CA10: variants seen among roughly 807,000 people sequenced by gnomAD.
The protein encoded by CA10 is carbonic anhydrase 10 (inactive).
Under a neutral mutation model 44.2 loss-of-function variants are expected in CA10, and 14 were observed. The ratio of observed to expected loss-of-function variants is 0.32; its 90% CI spans 0.21 to 0.50. CA10 has a LOEUF of 0.50. Ranked by LOEUF, CA10 falls within the 20% of genes least tolerant of loss-of-function variation. CA10 has a pLI of 0.99. For synonymous variants in CA10, 159 were observed against 141.6 expected (o/e 1.12, Z -0.87); for missense variants, 350 against 409.7 (o/e 0.85, Z 1.26).
chr17:51,685,848 G>A (rs566855417), intron 4 of CA10, among the ~76,000 whole-genome samples: 8 of 152,240 alleles, frequency 5.3e-5, no homozygotes, highest in African/African-American at 1.9e-4. Context: ...TGCCTCACAG[G>A]CACCTGATAC....
chr17:51,719,342 T>G (rs1916278021), intron 4 of CA10, among the ~76,000 whole-genome samples: 1 of 152,192 alleles, frequency 6.6e-6, no homozygotes, highest in Non-Finnish European at 1.5e-5. Flanking sequence ...TGAACCTAGG[T>G]GACACCTGAG....
chr17:52,130,064 T>C (rs1989200278), intron 1 of CA10, among the ~76,000 whole-genome samples: 1 of 152,188 alleles, frequency 6.6e-6, no homozygotes, highest in Admixed American at 6.6e-5. Context: ...ACATCACTAA[T>C]CATTAGTGAA....
At chr17:51,837,792 A>G (rs1978292129) in intron 3 of CA10, among the ~76,000 whole-genome samples, 1 of 152,176 alleles carries the variant, frequency 6.6e-6, no homozygotes, top group Non-Finnish European at 1.5e-5. Flanking sequence ...TAACTTTTAA[A>G]TTTTATTTTT....
At position 51,911,148 on chromosome 17, in the gene CA10, A is replaced by G. The variant is rs560682850; in HGVS notation, c.279+19842T>C. Among the ~76,000 whole-genome samples, 25 of 152,248 alleles carry G rather than the reference A, an allele frequency of 1.6e-4. No individual in the cohort carries two copies. In the East Asian group the frequency reaches 4.5e-3, roughly 27 times the overall value. On this transcript the variant is annotated intron_variant, in intron 3 of 8. Transcript: ENST00000451037. ...CGCTTTTAATCTCAGTCAAGAGGCC[A>G]TGCTCTAGGTAGCTGCTGCCTCTTC...
intron 3 of CA10, among the ~76,000 whole-genome samples, chr17:51,874,388 T>TAAAAAAAAAAAAA (rs780808287): frequency 7.8e-6 from 1 of 127,458 alleles, no homozygotes; most frequent in Non-Finnish European, 1.7e-5. Context: ...GAGTAATTAT[T>TAAAAAAAAAAAAA]AAAAAAAAAA....
At chr17:51,820,404 T>TTCC (rs1567850403) in intron 3 of CA10, among the ~76,000 whole-genome samples, 1 of 21,608 alleles carries the variant, frequency 4.6e-5, no homozygotes, top group African/African-American at 2.7e-4. Context: ...GGGATTCCCC[T>TTCC]ACCCCCCCCC....
chr17:52,011,024 A>C (rs1366116077), intron 2 of CA10, among the ~76,000 whole-genome samples: 1 of 151,600 alleles, frequency 6.6e-6, no homozygotes, highest in Non-Finnish European at 1.5e-5. Context: ...CAGAGACGGG[A>C]TCCTGTCCTG....
chr17:52,084,033 A>C (rs1476550869), intron 1 of CA10, among the ~76,000 whole-genome samples: 1 of 152,208 alleles, frequency 6.6e-6, no homozygotes, highest in Non-Finnish European at 1.5e-5. Flanking sequence ...TCCCTGACTG[A>C]AAAAAGACTT....
At chr17:51,849,358 TAATAA>T (rs1191972212) in intron 3 of CA10, among the ~76,000 whole-genome samples, 4 of 150,196 alleles carry the variant, frequency 2.7e-5, no homozygotes, top group African/African-American at 7.3e-5. Flanking sequence ...AAGATACACT[TAATAA>T]AATGTTTGTT....
chr17:52,048,698 C>T (rs985639764), intron 2 of CA10, among the ~76,000 whole-genome samples: 6 of 151,900 alleles, frequency 3.9e-5, no homozygotes, highest in Non-Finnish European at 8.8e-5. Context: ...CATGACAAAG[C>T]TGCTGAGCTG....
chr17:51,717,656 C>CAGGTATATATGCACATATAT (rs1442552331), intron 4 of CA10, among the ~76,000 whole-genome samples: 2 of 25,668 alleles, frequency 7.8e-5, no homozygotes, highest in Non-Finnish European at 1.7e-4. Context: ...TACATATATA[C>CAGGTATATATGCACATATAT]GTATATATAC....
At chr17:51,856,809 T>C (rs1979066529) in intron 3 of CA10, among the ~76,000 whole-genome samples, 1 of 152,108 alleles carries the variant, frequency 6.6e-6, no homozygotes, top group Non-Finnish European at 1.5e-5. Context: ...TATGAAAGGC[T>C]CCAAAGCGGG....
intron 3 of CA10, among the ~76,000 whole-genome samples, chr17:51,853,274 T>C (rs1978883769): frequency 6.6e-6 from 1 of 152,222 alleles, no homozygotes; most frequent in African/African-American, 2.4e-5. Flanking sequence ...AGTGATCTAA[T>C]GCTGAAAGCC....
At chr17:52,077,769 C>T (rs1399035273) in intron 1 of CA10, among the ~76,000 whole-genome samples, 1 of 152,050 alleles carries the variant, frequency 6.6e-6, no homozygotes, top group African/African-American at 2.4e-5. Context: ...AATTGGTCAC[C>T]AGCATCTACA....
chr17:51,799,548 G>C (rs749834497), intron 3 of CA10, among the ~76,000 whole-genome samples: 5 of 152,190 alleles, frequency 3.3e-5, no homozygotes, highest in Admixed American at 3.3e-4. Flanking sequence ...GCCACAGCAA[G>C]TCATGTGGCT....
At chr17:51,644,626 C>A (rs1437690640) in intron 6 of CA10, among the ~76,000 whole-genome samples, 1 of 152,118 alleles carries the variant, frequency 6.6e-6, no homozygotes, top group Non-Finnish European at 1.5e-5. Flanking sequence ...TTCAAAATTT[C>A]TGATTTCCTT....
intron 3 of CA10, among the ~76,000 whole-genome samples, chr17:51,825,636 C>T (rs1907979288): frequency 6.6e-6 from 1 of 152,192 alleles, no homozygotes; most frequent in African/African-American, 2.4e-5. Flanking sequence ...ATCAACTGGA[C>T]TTCACATATT....
intron 1 of CA10, among the ~76,000 whole-genome samples, chr17:52,135,747 C>T (rs963050696): frequency 6.6e-6 from 1 of 152,068 alleles, no homozygotes; most frequent in African/African-American, 2.4e-5. Context: ...TACTTGTCTC[C>T]CTCTCTGCTT....
intron 2 of CA10, among the ~76,000 whole-genome samples, chr17:51,936,400 A>G (rs1278789550): frequency 6.6e-6 from 1 of 152,130 alleles, no homozygotes; most frequent in Admixed American, 6.5e-5. Flanking sequence ...AAACCTAGGT[A>G]GCATGGTCAA....
Sources: allele counts gnomAD v4.1 joint callset (sites outside exome capture counted in the v4.1 genomes callset), GRCh38; gene constraint gnomAD v4.1.1; transcripts MANE v1.5; gene names NCBI Gene and HGNC (gene_info 2026-07-23, HGNC 2026-07-21).